The following CRIM1 variants were observed in gnomAD, a reference collection of about 807,000 sequenced individuals.
The protein encoded by CRIM1 is cysteine-rich motor neuron 1 protein.
In CRIM1, 32 loss-of-function variants were observed where a neutral mutation model predicts 116.4. That is an observed-to-expected ratio of 0.27 (90% CI 0.21 to 0.37). CRIM1 has a LOEUF of 0.37. Among genes scored for constraint, CRIM1 ranks in the 10% least tolerant of loss-of-function variants. CRIM1 has a pLI of 1.00. For synonymous variants in CRIM1, 590 were observed against 509.2 expected, an observed-to-expected ratio of 1.16 and a Z score of -2.13; for missense variants, 1,331 against 1,354.8, an observed-to-expected ratio of 0.98 and a Z score of 0.28.
intron 2 of CRIM1, among the ~76,000 whole-genome samples, chr2:36,424,594 C>A (rs1674310869): frequency 6.6e-6 from 1 of 151,706 alleles, no homozygotes. Flanking sequence ...TGCTACTTCA[C>A]ACATCACTCT....
At position 36,538,543 on chromosome 2, in the gene CRIM1, T is replaced by C. The variant is rs550085793; in HGVS notation, c.2623+997T>C. Reference sequence around the variant, plus strand: ...CCAATTCACAAGTGCATCTGTACTATGCAGTTGTAAGATAGGGCAGTTGTT... The same window carrying C: ...CCAATTCACAAGTGCATCTGTACTACGCAGTTGTAAGATAGGGCAGTTGTT... On this transcript the variant is annotated intron_variant, in intron 14 of 16. Coordinates refer to ENST00000280527, the MANE Select transcript of CRIM1 (RefSeq NM_016441.3). 3.9e-5 allele frequency among the ~76,000 whole-genome samples: 6 copies of C among 152,364 alleles called. No homozygotes were observed. In the South Asian group the frequency reaches 1.2e-3, roughly 32 times the overall value.
rs117835270 is a variant in CRIM1, at chr2:36,477,264, G to A, written c.1174+193G>A. 7.4e-4 allele frequency among the ~76,000 whole-genome samples: 112 copies of A among 152,292 alleles called. No homozygotes were observed. The East Asian group carries it at 0.021, about 29-fold the overall frequency. On this transcript the variant is annotated intron_variant, in intron 6 of 16. Transcript: ENST00000280527. ...AGAGTGTGTGGAAACACTTCCCTAA[G>A]GGAAGCTATGCCTGGGTGTAGACAA...
chr2:36,486,784 G>A (rs1217497117), intron 7 of CRIM1, among the ~76,000 whole-genome samples: 1 of 152,178 alleles, frequency 6.6e-6, no homozygotes, highest in East Asian at 1.9e-4. Flanking sequence ...GGAAAACATA[G>A]TCTGGAATGC....
chr2:36,491,901 A>G (rs1016248479), intron 7 of CRIM1, among the ~76,000 whole-genome samples: 3 of 152,224 alleles, frequency 2.0e-5, no homozygotes, highest in Non-Finnish European at 4.4e-5. Flanking sequence ...AAGAATAAGA[A>G]TAAAATGTAA....
intron 7 of CRIM1, among the ~76,000 whole-genome samples, chr2:36,491,684 T>C (rs1680237815): frequency 6.6e-6 from 1 of 152,200 alleles, no homozygotes; most frequent in South Asian, 2.1e-4. Flanking sequence ...GTATTGTCCC[T>C]AACGTGCAGA....
At chr2:36,489,491 A>T (rs536016554) in intron 7 of CRIM1, among the ~76,000 whole-genome samples, 5 of 152,304 alleles carry the variant, frequency 3.3e-5, no homozygotes, top group African/African-American at 1.2e-4. Context: ...TTTATGTTAG[A>T]CGAATTCCAC....
chr2:36,422,608 T>C (rs1325416294), intron 2 of CRIM1, among the ~76,000 whole-genome samples: 1 of 152,212 alleles, frequency 6.6e-6, no homozygotes, highest in African/African-American at 2.4e-5. Flanking sequence ...CTGCTTCTGA[T>C]AGTGTTATGA....
intron 1 of CRIM1, among the ~76,000 whole-genome samples, chr2:36,363,426 G>GTTC (rs1254324561): frequency 6.7e-6 from 1 of 150,234 alleles, no homozygotes; most frequent in East Asian, 2.0e-4. Flanking sequence ...TCAGTCTCTT[G>GTTC]TTCTCTTAAT....
At chr2:36,522,957 T>C (rs1210815909) in intron 13 of CRIM1, among the ~76,000 whole-genome samples, 1 of 150,038 alleles carries the variant, frequency 6.7e-6, no homozygotes, top group East Asian at 2.0e-4. Flanking sequence ...TTACAGTGGT[T>C]TTTTTTTTCT....
intron 7 of CRIM1, among the ~76,000 whole-genome samples, chr2:36,495,143 C>T (rs1232914753): frequency 1.3e-5 from 2 of 152,164 alleles, no homozygotes; most frequent in African/African-American, 4.8e-5. Context: ...GACCTCTGTT[C>T]AATTGAACTT....
chr2:36,534,529 G>A (rs1442430871), intron 13 of CRIM1, among the ~76,000 whole-genome samples: 4 of 138,832 alleles, frequency 2.9e-5, no homozygotes, highest in African/African-American at 5.6e-5. Context: ...AGGGAAGGGA[G>A]GGAGAGGAAG....
At chr2:36,485,168 C>T (rs1306374857) in intron 7 of CRIM1, among the ~76,000 whole-genome samples, 1 of 152,186 alleles carries the variant, frequency 6.6e-6, no homozygotes, top group Non-Finnish European at 1.5e-5. Flanking sequence ...ATTCACTGTG[C>T]ATGGATTCCT....
At chr2:36,387,713 AAAAGAG>A (rs1482302253) in intron 1 of CRIM1, among the ~76,000 whole-genome samples, 1 of 152,240 alleles carries the variant, frequency 6.6e-6, no homozygotes, top group African/African-American at 2.4e-5. Flanking sequence ...GTAAAACCTC[AAAAGAG>A]AAAGTGATTG....
At chr2:36,540,130 G>A (rs905634516) in intron 14 of CRIM1, among the ~76,000 whole-genome samples, 1 of 152,102 alleles carries the variant, frequency 6.6e-6, no homozygotes, top group Admixed American at 6.5e-5. Flanking sequence ...TGGAGAAAGG[G>A]TTTCTGGTAG....
At chr2:36,410,057 C>A (rs916348972) in intron 2 of CRIM1, among the ~76,000 whole-genome samples, 11 of 152,156 alleles carry the variant, frequency 7.2e-5, no homozygotes, top group African/African-American at 2.7e-4. Flanking sequence ...CGTGGTTTCT[C>A]TTGCTAAGTG....
intron 5 of CRIM1, among the ~76,000 whole-genome samples, chr2:36,468,313 GTT>G (rs1397848264): frequency 6.6e-6 from 1 of 152,170 alleles, no homozygotes. Context: ...AAACTCGTGA[GTT>G]TTGAAAACAC....
At chr2:36,499,142 G>A (rs1171696920) in intron 7 of CRIM1, 77 bp from the exon 8 acceptor site, 2 of 1,141,440 alleles carry the variant, frequency 1.8e-6, no homozygotes, top group African/African-American at 3.1e-5. Context: ...ATTATGGTGT[G>A]GAATTTCAAA....
chr2:36,532,280 A>T (rs954395597), intron 13 of CRIM1, among the ~76,000 whole-genome samples: 1 of 152,188 alleles, frequency 6.6e-6, no homozygotes, highest in African/African-American at 2.4e-5. Flanking sequence ...ATTTGGATAT[A>T]TAACCCCTGA....
At chr2:36,407,118 A>C (rs1672868334) in intron 2 of CRIM1, among the ~76,000 whole-genome samples, 1 of 152,160 alleles carries the variant, frequency 6.6e-6, no homozygotes, top group Non-Finnish European at 1.5e-5. Flanking sequence ...ACTTGTTTAT[A>C]AGGCAGTAAG....
Sources: gnomAD v4.1 joint callset for allele counts (sites outside exome capture counted in the v4.1 genomes callset) on GRCh38, gnomAD v4.1.1 for gene constraint, MANE v1.5 for transcripts, NCBI Gene and HGNC (gene_info 2026-07-23, HGNC 2026-07-21) for gene names.